The following KDM2A variants were observed in gnomAD, a reference collection of about 807,000 sequenced individuals.
The protein encoded by KDM2A is lysine-specific demethylase 2A.
Under a neutral mutation model 137.3 loss-of-function variants are expected in KDM2A, and 3 were observed. That is an observed-to-expected ratio of 0.02 (90% confidence interval 0.01 to 0.06). The LOEUF is 0.06. KDM2A is among the 10% of genes least tolerant of loss of function. The pLI, the probability that KDM2A is intolerant of heterozygous loss-of-function variation, is 1.00. For missense variants in KDM2A, 738 were observed against 1,510.6 expected (o/e 0.49, Z 8.48); for synonymous variants, 512 against 541.5 (o/e 0.95, Z 0.76).
Position 67,206,597 on chromosome 11 carries a change from G to A in KDM2A, c.308-913G>A, listed in dbSNP as rs184502625. Among the ~76,000 whole-genome samples, 8 of 152,244 alleles carry A rather than the reference G, an allele frequency of 5.3e-5. No individual in the cohort carries two copies. In the East Asian group the frequency reaches 1.4e-3, roughly 26 times the overall value. ...ACTAAAATACAAAAAATTAGGTGGG[G>A]TAGTGGCGTGTGCCTGTAGTCCCAG... On this transcript the variant is annotated intron_variant, in intron 5 of 20. Transcript: ENST00000529006.
chr11:67,135,354 G>A (rs563643303), intron 2 of KDM2A, among the ~76,000 whole-genome samples: 6 of 152,246 alleles, frequency 3.9e-5, no homozygotes, highest in East Asian at 1.9e-4. Context: ...GTGAGCCACC[G>A]CGCCCAGCAC....
intron 12 of KDM2A, among the ~76,000 whole-genome samples, chr11:67,235,154 A>AG: frequency 6.6e-6 from 1 of 151,632 alleles, no homozygotes; most frequent in Non-Finnish European, 1.5e-5. Flanking sequence ...CAAAAAAAAA[A>AG]AAAAAAGAAA....
intron 12 of KDM2A, among the ~76,000 whole-genome samples, chr11:67,242,798 A>G (rs1253158328): frequency 2.6e-5 from 4 of 152,186 alleles, no homozygotes; most frequent in Non-Finnish European, 5.9e-5. Context: ...AGTTTTGATA[A>G]TATTGCAGCA....
At chr11:67,226,042 G>C (rs1565413404) in intron 10 of KDM2A, among the ~76,000 whole-genome samples, 1 of 151,904 alleles carries the variant, frequency 6.6e-6, no homozygotes, top group Non-Finnish European at 1.5e-5. Context: ...TCCAGCCTGG[G>C]CAACAAGAAC....
In KDM2A at chr11:67,224,060, CT is replaced by C. The variant is rs574733096; in HGVS notation, c.958-3976del. Among the ~76,000 whole-genome samples, 74 of 152,330 alleles carry C rather than the reference CT, an allele frequency of 4.9e-4. No homozygotes were observed. The East Asian group carries it at 0.013, about 27-fold the overall frequency. Reference sequence around the variant, plus strand: ...TTGGGGCTAACTATGAAAAGTACATCTCCTCTCCTGCCTTGCCATGGGGAGA... The same window carrying C: ...TTGGGGCTAACTATGAAAAGTACATCCCTCTCCTGCCTTGCCATGGGGAGA... On this transcript the variant is annotated intron_variant, in intron 10 of 20. Transcript: ENST00000529006.
intron 2 of KDM2A, among the ~76,000 whole-genome samples, chr11:67,157,021 G>A (rs1856530543): frequency 6.6e-6 from 1 of 151,782 alleles, no homozygotes; most frequent in African/African-American, 2.4e-5. Context: ...TTCATTAAAA[G>A]CTGGCTAATT....
chr11:67,195,586 G>C (rs1212975851), intron 5 of KDM2A: 1 of 154,228 alleles, frequency 6.5e-6, no homozygotes, highest in Admixed American at 6.5e-5. Flanking sequence ...CAGTGGCTCT[G>C]GTGTAATAGA....
intron 12 of KDM2A, among the ~76,000 whole-genome samples, chr11:67,233,955 A>C (rs1453269586): frequency 6.6e-6 from 1 of 152,202 alleles, no homozygotes; most frequent in African/African-American, 2.4e-5. Context: ...ACAAGTAGCC[A>C]GTGAGATGAC....
intron 2 of KDM2A, among the ~76,000 whole-genome samples, chr11:67,164,088 T>C (rs1306755691): frequency 6.6e-6 from 1 of 152,100 alleles, no homozygotes; most frequent in Non-Finnish European, 1.5e-5. Flanking sequence ...TGCAAAGTAT[T>C]TGTATATATG....
chr11:67,208,535 C>T (rs1857882000), intron 6 of KDM2A, among the ~76,000 whole-genome samples: 1 of 151,868 alleles, frequency 6.6e-6, no homozygotes. Context: ...CTTTGGGATC[C>T]GAGGTAGGCG....
rs139991579 is a variant in KDM2A, at chr11:67,143,011, A to G, written c.42+21653A>G. Reference sequence around the variant, plus strand: ...CTGTAAACACTTCAGTTATATATATATATCTATTCTTTTTTTTTTTTTTTT... The same window carrying G: ...CTGTAAACACTTCAGTTATATATATGTATCTATTCTTTTTTTTTTTTTTTT... On this transcript the variant is annotated intron_variant, in intron 2 of 20. Transcript: ENST00000529006. 4.5e-3 allele frequency among the ~76,000 whole-genome samples: 670 copies of G among 147,678 alleles called. 3 individuals are homozygous for G. The highest frequency in any genetic ancestry group is 9.7e-3 in the Admixed American group (143 of 14,810).
intron 16 of KDM2A, 120 bp from the exon 17 acceptor site, chr11:67,249,966 C>A: frequency 1.5e-6 from 1 of 656,594 alleles, no homozygotes. Context: ...GAATGACCCC[C>A]TCTCCAACGT....
At chr11:67,217,240 CAAAAA>C (rs544615414) in intron 8 of KDM2A, among the ~76,000 whole-genome samples, 3 of 50,524 alleles carry the variant, frequency 5.9e-5, no homozygotes, top group South Asian at 7.2e-4. Flanking sequence ...GAAACTCTGT[CAAAAA>C]AAAAAAAAAA....
intron 10 of KDM2A, among the ~76,000 whole-genome samples, chr11:67,223,892 T>G (rs74926133): frequency 0.019 from 2,846 of 152,290 alleles, 90 homozygotes; most frequent in African/African-American, 0.065. Context: ...ACCTATTGGT[T>G]GTTGTCTCTC....
intron 2 of KDM2A, among the ~76,000 whole-genome samples, chr11:67,140,262 A>G (rs1856068192): frequency 6.6e-6 from 1 of 151,936 alleles, no homozygotes; most frequent in Admixed American, 6.6e-5. Context: ...GGTAATTGGG[A>G]GGCTGAGGTG....
Position 67,207,611 on chromosome 11 carries a change from C to A in KDM2A, c.409C>A (p.Arg137=). ...TRYYETPEEE[R]EKLYNVISLE... ...CTACTATGAGACCCCAGAGGAGGAG[C>A]GAGAGAAACTCTATAATGTCATCAG... is the stretch of plus-strand genomic sequence containing the variant. Residue 137 remains arginine (R), a synonymous_variant, in exon 6 of 21, where the codon CGA becomes AGA. Transcript: ENST00000529006. 1 of 1,613,528 alleles carries A rather than the reference C, an allele frequency of 6.2e-7. No individual in the cohort carries two copies. Among genetic ancestry groups the A allele is most frequent in the Non-Finnish European group, 8.5e-7 (1 of 1,179,702 alleles).
chr11:67,212,935 T>C (rs1311279279), intron 6 of KDM2A, among the ~76,000 whole-genome samples: 1 of 152,164 alleles, frequency 6.6e-6, no homozygotes, highest in East Asian at 1.9e-4. Context: ...GGCTACTACA[T>C]TAAGAAACAG....
chr11:67,151,835 C>T (rs1460493923), intron 2 of KDM2A, among the ~76,000 whole-genome samples: 1 of 152,054 alleles, frequency 6.6e-6, no homozygotes, highest in African/African-American at 2.4e-5. Flanking sequence ...GCCTTGAACT[C>T]CTGGGCTTAA....
chr11:67,180,399 ATT>A, intron 3 of KDM2A, 182 bp downstream of exon 3: 1 of 528,338 alleles, frequency 1.9e-6, no homozygotes, highest in Non-Finnish European at 3.2e-6. Flanking sequence ...CCTGTGAGTC[ATT>A]CTCTCCTATA....
Sources: allele counts gnomAD v4.1 joint callset (sites outside exome capture counted in the v4.1 genomes callset), GRCh38; gene constraint gnomAD v4.1.1; transcripts MANE v1.5; gene names NCBI Gene and HGNC (gene_info 2026-07-23, HGNC 2026-07-21).